The following MTUS1 variants were observed in gnomAD, a reference collection of about 807,000 sequenced individuals.
MTUS1 encodes microtubule-associated tumor suppressor 1.
In MTUS1, 109 loss-of-function variants were observed where a neutral mutation model predicts 120.8. The observed-to-expected ratio is 0.90, with a 90% CI of 0.77 to 1.06. MTUS1 has a LOEUF of 1.06. MTUS1 is among the 50% of genes least tolerant of loss of function. The pLI is 0.00. For synonymous variants in MTUS1, 737 were observed against 550.5 expected, an observed-to-expected ratio of 1.34 and a Z score of -4.74; for missense variants, 2,210 against 1,486.3, an observed-to-expected ratio of 1.49 and a Z score of -8.01.
At chr8:17,760,204 C>T (rs1261483251) in intron 1 of MTUS1, among the ~76,000 whole-genome samples, 2 of 151,290 alleles carry the variant, frequency 1.3e-5, no homozygotes, top group Non-Finnish European at 2.9e-5. Context: ...TGACAGGGAC[C>T]CTATCACTAT....
intron 8 of MTUS1, among the ~76,000 whole-genome samples, chr8:17,668,921 A>C (rs1811457601): frequency 6.6e-6 from 1 of 152,290 alleles, no homozygotes; most frequent in African/African-American, 2.4e-5. Context: ...TTATAGAAAA[A>C]CATTTGTGCA....
intron 6 of MTUS1, among the ~76,000 whole-genome samples, chr8:17,686,962 C>G (rs1222877808): frequency 6.6e-6 from 1 of 152,040 alleles, no homozygotes; most frequent in Non-Finnish European, 1.5e-5. Flanking sequence ...AATTCGAGGA[C>G]ATACATTTTT....
intron 8 of MTUS1, among the ~76,000 whole-genome samples, chr8:17,662,783 G>A (rs1810042383): frequency 6.7e-6 from 1 of 150,174 alleles, no homozygotes; most frequent in Admixed American, 6.7e-5. Flanking sequence ...AACCATGAAA[G>A]CTATCTCCAG....
chr8:17,737,192 C>T (rs974337312), intron 3 of MTUS1, among the ~76,000 whole-genome samples: 7 of 152,214 alleles, frequency 4.6e-5, no homozygotes, highest in African/African-American at 7.2e-5. Context: ...GCCCATTTCC[C>T]GTCTCCACCA....
At chr8:17,706,601 T>G (rs902586416) in intron 6 of MTUS1, among the ~76,000 whole-genome samples, 1 of 152,198 alleles carries the variant, frequency 6.6e-6, no homozygotes, top group South Asian at 2.1e-4. Context: ...TAAAATGATA[T>G]GAAGCTTTTG....
chr8:17,738,005 G>A (rs1012327375), intron 3 of MTUS1, among the ~76,000 whole-genome samples: 2 of 152,152 alleles, frequency 1.3e-5, no homozygotes, highest in African/African-American at 4.8e-5. Context: ...AAACCACGAA[G>A]GAAATAACTT....
chr8:17,677,410 G>A (rs1283037464), intron 7 of MTUS1, among the ~76,000 whole-genome samples: 1 of 152,010 alleles, frequency 6.6e-6, no homozygotes, highest in Non-Finnish European at 1.5e-5. Context: ...CTTTTCAGTA[G>A]TAACCAAGTT....
chr8:17,711,477 A>G (rs1343444463), intron 6 of MTUS1, among the ~76,000 whole-genome samples: 1 of 151,200 alleles, frequency 6.6e-6, no homozygotes, highest in African/African-American at 2.4e-5. Context: ...CAGCTCCCTC[A>G]CCTCTCTCAG....
At chr8:17,792,769 C>T (rs1342109269) in intron 1 of MTUS1, among the ~76,000 whole-genome samples, 2 of 152,202 alleles carry the variant, frequency 1.3e-5, no homozygotes, top group African/African-American at 4.8e-5. Context: ...AAGGCTATGG[C>T]ATGAGAATCA....
At chr8:17,683,784 C>T (rs1051966790) in intron 7 of MTUS1, among the ~76,000 whole-genome samples, 4 of 152,160 alleles carry the variant, frequency 2.6e-5, no homozygotes, top group Non-Finnish European at 4.4e-5. Context: ...CCTGAAATAA[C>T]ATCCCTGAAG....
intron 7 of MTUS1, among the ~76,000 whole-genome samples, chr8:17,682,934 A>G (rs1814896347): frequency 1.3e-5 from 2 of 152,154 alleles, no homozygotes; most frequent in African/African-American, 4.8e-5. Context: ...ACAAAAACAA[A>G]AACAAAAACA....
chr8:17,673,383 A>G (rs1456200004), intron 8 of MTUS1, among the ~76,000 whole-genome samples: 1 of 152,178 alleles, frequency 6.6e-6, no homozygotes, highest in Non-Finnish European at 1.5e-5. Context: ...TGTCTTGGCT[A>G]GGTATTAAGA....
At chr8:17,743,081 G>C (rs1470399457) in intron 3 of MTUS1, among the ~76,000 whole-genome samples, 1 of 150,982 alleles carries the variant, frequency 6.6e-6, no homozygotes, top group African/African-American at 2.5e-5. Context: ...ACATTTCATT[G>C]GCCTAACATG....
chr8:17,721,414 T>G (rs181679548), intron 4 of MTUS1, among the ~76,000 whole-genome samples: 64 of 152,302 alleles, frequency 4.2e-4, no homozygotes, highest in Admixed American at 2.0e-3. Context: ...CAAAAACTAG[T>G]TATTTCATAA....
At chr8:17,785,460 G>A (rs1364476793) in intron 1 of MTUS1, among the ~76,000 whole-genome samples, 2 of 152,192 alleles carry the variant, frequency 1.3e-5, no homozygotes, top group South Asian at 4.1e-4. Context: ...ACTCTGCAGA[G>A]ACAGCATGGG....
chr8:17,684,573 T>C (rs76355134), intron 6 of MTUS1, 31 bp from the exon 7 acceptor site: 36,651 of 1,551,008 alleles, frequency 0.024, 1,730 homozygotes, highest in South Asian at 0.14. Flanking sequence ...GGTACAAAGA[T>C]AGGTGAGGTT....
At chr8:17,683,138 G>A (rs1814957705) in intron 7 of MTUS1, among the ~76,000 whole-genome samples, 1 of 152,152 alleles carries the variant, frequency 6.6e-6, no homozygotes, top group African/African-American at 2.4e-5. Context: ...CGGGCGTGGT[G>A]GCGGGTGCCT....
intron 7 of MTUS1, among the ~76,000 whole-genome samples, chr8:17,676,786 G>A (rs10888141): frequency 0.98 from 148,510 of 152,232 alleles, 72,532 homozygotes; most frequent in East Asian, 1. Flanking sequence ...GTTCTTCGAA[G>A]CCCATATACT....
At chr8:17,711,817 A>G (rs1424590450) in intron 6 of MTUS1, among the ~76,000 whole-genome samples, 1 of 152,206 alleles carries the variant, frequency 6.6e-6, no homozygotes, top group Admixed American at 6.5e-5. Context: ...TTTCACTTGA[A>G]TATTCAGAGG....
Sources: allele counts gnomAD v4.1 joint callset (sites outside exome capture counted in the v4.1 genomes callset), GRCh38; gene constraint gnomAD v4.1.1; transcripts MANE v1.5; gene names NCBI Gene and HGNC (gene_info 2026-07-23, HGNC 2026-07-21).